The following ANK2 variants were observed in gnomAD, a reference collection of about 807,000 sequenced individuals.
ANK2 encodes ankyrin 2, also known as ankyrin-2.
ANK2 carries 83 observed loss-of-function variants against 360.5 expected under a neutral mutation model. The observed-to-expected ratio is 0.23, with a 90% confidence interval of 0.19 to 0.28. ANK2 has a LOEUF of 0.28. Among genes scored for constraint, ANK2 ranks in the 10% least tolerant of loss-of-function variants. The probability of loss-of-function intolerance (pLI) is 1.00; values close to 1 mark genes in which losing one functional copy is unlikely to be tolerated. For missense variants in ANK2, 4,201 were observed against 4,795.7 expected, an observed-to-expected ratio of 0.88 and a Z score of 3.66; for synonymous variants, 1,740 against 1,759.5, an observed-to-expected ratio of 0.99 and a Z score of 0.28.
At chr4:112,974,805 T>A (rs777701346) in intron 2 of ANK2, among the ~76,000 whole-genome samples, 11 of 151,226 alleles carry the variant, frequency 7.3e-5, no homozygotes, top group Non-Finnish European at 1.3e-4. Context: ...TTTCCTCTCC[T>A]CATTTAGCTC....
chr4:113,258,193 T>C, intron 12 of ANK2, 45 bp downstream of exon 12: 3 of 1,579,556 alleles, frequency 1.9e-6, no homozygotes, highest in Non-Finnish European at 2.6e-6. Context: ...CTTCTCTTAC[T>C]CCTTCCTCCC....
chr4:112,988,485 GA>G (rs1341496923), intron 2 of ANK2, among the ~76,000 whole-genome samples: 3 of 152,048 alleles, frequency 2.0e-5, no homozygotes, highest in Admixed American at 6.5e-5. Context: ...TTAATAGAAA[GA>G]AAAAAGGGTT....
At chr4:113,336,118 G>A in intron 30 of ANK2, 61 bp downstream of exon 30, 1 of 1,556,652 alleles carries the variant, frequency 6.4e-7, no homozygotes, top group Non-Finnish European at 8.8e-7. Flanking sequence ...TTAAAAATTA[G>A]CTTTGTCAAG....
intron 2 of ANK2, among the ~76,000 whole-genome samples, chr4:112,976,867 A>G (rs1372689259): frequency 2.0e-5 from 3 of 152,216 alleles, no homozygotes; most frequent in Non-Finnish European, 4.4e-5. Flanking sequence ...GTACATGTTT[A>G]TATCCTCCTT....
intron 24 of ANK2, among the ~76,000 whole-genome samples, chr4:113,316,285 A>G (rs1045251146): frequency 3.3e-5 from 5 of 152,218 alleles, no homozygotes; most frequent in African/African-American, 9.6e-5. Context: ...GGATCAGACA[A>G]TCAACTCTTT....
chr4:112,883,862 ATATATATG>A (rs1022505939), intron 1 of ANK2, among the ~76,000 whole-genome samples: 3 of 142,106 alleles, frequency 2.1e-5, no homozygotes, highest in African/African-American at 8.5e-5. Context: ...ATTCATTCAT[ATATATATG>A]TATATATATG....
chr4:113,377,949 TAA>T (rs2154083377), intron 45 of ANK2: 1 of 268,632 alleles, frequency 3.7e-6, no homozygotes, highest in Admixed American at 5.5e-5. Context: ...ACTCCAAACT[TAA>T]GTCTGCTTCT....
In ANK2 at chr4:112,958,682, G is replaced by A. The variant is rs542499642; in HGVS notation, c.21+54168G>A. ...TTGTTTTAAAGATTTAATACTGCAT[G>A]TTAATCAATTTTTTGTTACCCTTTT... On this transcript the variant is annotated intron_variant, in intron 2 of 30. Transcript: ENST00000503271. Among the ~76,000 whole-genome samples, 6 of 152,086 alleles carry A rather than the reference G, an allele frequency of 3.9e-5. No homozygotes were observed. In the South Asian group the frequency reaches 1.2e-3, roughly 32 times the overall value.
At chr4:113,107,991 C>T (rs561199332) in intron 1 of ANK2, among the ~76,000 whole-genome samples, 4 of 152,252 alleles carry the variant, frequency 2.6e-5, no homozygotes, top group African/African-American at 4.8e-5. Flanking sequence ...GGAGAAAAAA[C>T]TGATATATGC....
chr4:113,132,853 C>G (rs992394181), intron 1 of ANK2, among the ~76,000 whole-genome samples: 2 of 152,114 alleles, frequency 1.3e-5, no homozygotes, highest in African/African-American at 4.8e-5. Context: ...TCTTGGCCAT[C>G]ATGATACTAC....
chr4:113,238,495 G>A (rs2099401193), intron 7 of ANK2, among the ~76,000 whole-genome samples: 2 of 152,118 alleles, frequency 1.3e-5, no homozygotes, highest in African/African-American at 4.8e-5. Flanking sequence ...TCGTTGCATG[G>A]AACCTAGGTC....
intron 1 of ANK2, among the ~76,000 whole-genome samples, chr4:112,871,463 A>T (rs545689912): frequency 6.6e-6 from 1 of 152,358 alleles, no homozygotes; most frequent in East Asian, 1.9e-4. Context: ...CTGAGATTAC[A>T]GGCATGAGCC....
intron 1 of ANK2, among the ~76,000 whole-genome samples, chr4:112,879,262 T>G (rs1483113322): frequency 2.0e-5 from 3 of 152,164 alleles, no homozygotes; most frequent in Admixed American, 2.0e-4. Context: ...AATAATGAAG[T>G]TTGACTTCTG....
the ANK2 span, among the ~76,000 whole-genome samples, chr4:112,725,956 A>G: frequency 6.0e-4 from 92 of 152,296 alleles, 1 homozygote; most frequent in African/African-American, 2.1e-3. Context: ...AGGTAGTAAG[A>G]AGGATTATGA....
chr4:113,301,328 T>A (rs376294698), intron 22 of ANK2, among the ~76,000 whole-genome samples: 4 of 152,030 alleles, frequency 2.6e-5, no homozygotes, highest in Non-Finnish European at 5.9e-5. Flanking sequence ...TTTATTTTAG[T>A]TGGCAAATAA....
At chr4:113,001,477 G>A (rs2050658058) in intron 2 of ANK2, among the ~76,000 whole-genome samples, 2 of 152,156 alleles carry the variant, frequency 1.3e-5, no homozygotes, top group African/African-American at 4.8e-5. Flanking sequence ...TCTTGGGAGT[G>A]TGTCAGATTA....
chr4:112,908,441 T>TA (rs1422513997), intron 2 of ANK2, among the ~76,000 whole-genome samples: 1 of 152,072 alleles, frequency 6.6e-6, no homozygotes, highest in African/African-American at 2.4e-5. Context: ...AACAGACAGC[T>TA]AGGATAAGAT....
At chr4:112,737,136 A>C in the ANK2 span, among the ~76,000 whole-genome samples, 1 of 152,210 alleles carries the variant, frequency 6.6e-6, no homozygotes, top group Non-Finnish European at 1.5e-5. Context: ...TAAATTGGGG[A>C]TAATATGTTT....
intron 2 of ANK2, among the ~76,000 whole-genome samples, chr4:113,189,649 C>T (rs2098619216): frequency 6.6e-6 from 1 of 152,172 alleles, no homozygotes; most frequent in Non-Finnish European, 1.5e-5. Context: ...ATAGGGCACA[C>T]ACTGGAATCT....
Sources: allele counts gnomAD v4.1 joint callset (sites outside exome capture counted in the v4.1 genomes callset), GRCh38; gene constraint gnomAD v4.1.1; transcripts MANE v1.5; gene names NCBI Gene and HGNC (gene_info 2026-07-23, HGNC 2026-07-21).